SYT2: variants seen among roughly 807,000 people sequenced by gnomAD.
SYT2 encodes synaptotagmin 2.
SYT2 carries 15 observed loss-of-function variants against 39.9 expected under a neutral mutation model. That is an observed-to-expected ratio of 0.38 (90% CI 0.25 to 0.58). The LOEUF is 0.58. SYT2 is among the 20% of genes least tolerant of loss of function. The probability of loss-of-function intolerance (pLI) is 0.70; values close to 1 mark genes in which losing one functional copy is unlikely to be tolerated. For missense variants in SYT2, 389 were observed against 530.3 expected, an observed-to-expected ratio of 0.73 and a Z score of 2.62; for synonymous variants, 181 against 204.5, an observed-to-expected ratio of 0.89 and a Z score of 0.98.
chr1:202,686,807 TCAAAGCCCAC>T (rs1653680997), intron 1 of SYT2, among the ~76,000 whole-genome samples: 1 of 152,152 alleles, frequency 6.6e-6, no homozygotes, highest in Non-Finnish European at 1.5e-5. Flanking sequence ...CTCTAGCTCT[TCAAAGCCCAC>T]CAAAGGGCTT....
intron 1 of SYT2, among the ~76,000 whole-genome samples, chr1:202,673,807 A>C (rs1653238316): frequency 6.6e-6 from 1 of 152,224 alleles, no homozygotes. Context: ...TATTCGAGGC[A>C]GGGAGATTTA....
At chr1:202,667,158 G>A (rs1692493917) in intron 1 of SYT2, among the ~76,000 whole-genome samples, 1 of 152,122 alleles carries the variant, frequency 6.6e-6, no homozygotes, top group South Asian at 2.1e-4. Flanking sequence ...TCAACCGAAA[G>A]GAAAACAGTA....
intron 1 of SYT2, among the ~76,000 whole-genome samples, chr1:202,664,885 C>T (rs1050296563): frequency 2.6e-5 from 4 of 152,210 alleles, no homozygotes; most frequent in Non-Finnish European, 5.9e-5. Flanking sequence ...TCTCGAACTC[C>T]TGACCTCAGG....
rs115106885 is a variant in SYT2, at chr1:202,685,388, A to G, written c.-18+24870T>C. ...AATTCCATTAGCAATGTGGAGAATC[A>G]GTTGAGTTTAATTATTCAAATCCAG... is the stretch of plus-strand genomic sequence containing the variant. On this transcript the variant is annotated intron_variant, in intron 1 of 8. Transcript: ENST00000367268. Among the ~76,000 whole-genome samples, 356 of 152,328 alleles carry G rather than the reference A, an allele frequency of 2.3e-3. 3 individuals carry two copies. Among genetic ancestry groups the G allele is most frequent in the African/African-American group, 8.2e-3 (340 of 41,582 alleles).
chr1:202,635,458 T>C (rs1375707584), intron 1 of SYT2, among the ~76,000 whole-genome samples: 2 of 152,190 alleles, frequency 1.3e-5, no homozygotes, highest in Non-Finnish European at 2.9e-5. Context: ...ATGCTGGATA[T>C]CTTCTTTAGG....
At chr1:202,698,704 G>A (rs1255521419) in intron 1 of SYT2, among the ~76,000 whole-genome samples, 1 of 152,128 alleles carries the variant, frequency 6.6e-6, no homozygotes, top group Admixed American at 6.5e-5. Context: ...GAACAGGAAG[G>A]GTGGATAGGA....
chr1:202,687,374 T>C (rs1043451525), intron 1 of SYT2, among the ~76,000 whole-genome samples: 7 of 152,164 alleles, frequency 4.6e-5, no homozygotes, highest in Non-Finnish European at 1.0e-4. Flanking sequence ...ATTGTCTTCA[T>C]CTCTACGTGA....
At chr1:202,694,047 C>T (rs768108860) in intron 1 of SYT2, among the ~76,000 whole-genome samples, 4 of 152,276 alleles carry the variant, frequency 2.6e-5, no homozygotes, top group East Asian at 1.9e-4. Flanking sequence ...CTCATTACCA[C>T]GAGGAGGACA....
chr1:202,670,813 T>C (rs141059186), intron 1 of SYT2, among the ~76,000 whole-genome samples: 1 of 152,350 alleles, frequency 6.6e-6, no homozygotes, highest in Non-Finnish European at 1.5e-5. Flanking sequence ...CTTTTGTTTG[T>C]CCCAGTCTGT....
At chr1:202,688,420 C>G (rs1161054162) in intron 1 of SYT2, among the ~76,000 whole-genome samples, 1 of 152,230 alleles carries the variant, frequency 6.6e-6, no homozygotes, top group Non-Finnish European at 1.5e-5. Context: ...CTGCATAAGG[C>G]AGGGGACAGC....
intron 1 of SYT2, among the ~76,000 whole-genome samples, chr1:202,657,103 T>C (rs1294777310): frequency 6.6e-6 from 1 of 152,200 alleles, no homozygotes; most frequent in Non-Finnish European, 1.5e-5. Context: ...TAAAATGGGA[T>C]GTCCAGAGAA....
chr1:202,707,339 C>T (rs1654278351), intron 1 of SYT2, among the ~76,000 whole-genome samples: 1 of 152,158 alleles, frequency 6.6e-6, no homozygotes, highest in South Asian at 2.1e-4. Flanking sequence ...CTCCTAGCCT[C>T]CATTCTTTGG....
intron 1 of SYT2, among the ~76,000 whole-genome samples, chr1:202,686,997 A>C (rs1653685009): frequency 6.6e-6 from 1 of 152,154 alleles, no homozygotes; most frequent in African/African-American, 2.4e-5. Flanking sequence ...GCTGAGCTGC[A>C]GCCTGACAAT....
At position 202,632,688 on chromosome 1, in the gene SYT2, C is replaced by T. The variant is rs543220641; in HGVS notation, c.-17-26899G>A. 11 of 610,318 alleles carry T rather than the reference C, an allele frequency of 1.8e-5. No homozygotes were observed. In the African/African-American group the frequency reaches 2.0e-4, roughly 11 times the overall value. The allele number at this position is 610,318 out of a possible 1,614,324, so 37.8% of individuals were successfully genotyped here. ...TGCCCCGGAGGAATCCAGAGCCCAC[C>T]TGCCCAGAGAGGCTCCTCCTGATTT... On this transcript the variant is annotated intron_variant, in intron 1 of 8. Coordinates refer to ENST00000367268, the MANE Select transcript of SYT2 (RefSeq NM_177402.5).
intron 1 of SYT2, among the ~76,000 whole-genome samples, chr1:202,695,944 G>C (rs530900079): frequency 6.6e-5 from 10 of 152,356 alleles, no homozygotes; most frequent in Non-Finnish European, 1.2e-4. Context: ...CTCTGGGCTT[G>C]TTCTTCTCCT....
intron 1 of SYT2, among the ~76,000 whole-genome samples, chr1:202,661,452 C>T (rs1278789066): frequency 3.3e-5 from 5 of 152,162 alleles, no homozygotes; most frequent in Admixed American, 6.5e-5. Context: ...TCCAGTGCAG[C>T]CTTGTCCCTT....
intron 1 of SYT2, among the ~76,000 whole-genome samples, chr1:202,700,175 C>T (rs986398023): frequency 2.6e-5 from 4 of 152,128 alleles, no homozygotes; most frequent in African/African-American, 9.7e-5. Context: ...CCCCAGAGGC[C>T]ACCTGGAAGC....
chr1:202,694,086 A>G (rs778310198), intron 1 of SYT2, among the ~76,000 whole-genome samples: 1 of 152,088 alleles, frequency 6.6e-6, no homozygotes, highest in Non-Finnish European at 1.5e-5. Context: ...ATCTGACCCC[A>G]TTACCCAAAC....
At chr1:202,627,830 A>C (rs1467883569) in intron 1 of SYT2, among the ~76,000 whole-genome samples, 4 of 152,118 alleles carry the variant, frequency 2.6e-5, no homozygotes, top group Non-Finnish European at 5.9e-5. Context: ...ACCCAACCCC[A>C]TCCTGAAGCA....
Sources: gnomAD v4.1 joint callset for allele counts (sites outside exome capture counted in the v4.1 genomes callset) on GRCh38, gnomAD v4.1.1 for gene constraint, MANE v1.5 for transcripts, NCBI Gene and HGNC (gene_info 2026-07-23, HGNC 2026-07-21) for gene names.